The following ABCC2 variants were observed in gnomAD, a reference collection of about 807,000 sequenced individuals.
ABCC2 encodes the protein ATP binding cassette subfamily C member 2.
Under a neutral mutation model 173.4 loss-of-function variants are expected in ABCC2, and 157 were observed. The observed-to-expected ratio is 0.91, with a 90% CI of 0.80 to 1.03. The LOEUF (loss-of-function observed/expected upper bound fraction) is 1.03, where lower values mean the gene tolerates loss of function less well. Ranked by LOEUF, ABCC2 falls within the 50% of genes least tolerant of loss-of-function variation. The probability of loss-of-function intolerance (pLI) is 0.00; values close to 1 mark genes in which losing one functional copy is unlikely to be tolerated. For missense variants in ABCC2, 1,822 were observed against 1,852.3 expected, an observed-to-expected ratio of 0.98 and a Z score of 0.30; for synonymous variants, 657 against 693.5, an observed-to-expected ratio of 0.95 and a Z score of 0.83.
Position 99,850,746 on chromosome 10 carries a change from C to A in ABCC2, c.4458C>A (p.Cys1486Ter). ...QTTIQNEFAH[C>*]TVITIAHRLH... ...CCATCCAAAACGAGTTCGCCCACTG[C>A]ACAGTGATCACCATCGCCCACAGGC... Residue 1486 changes from cysteine to a stop codon, truncating the protein, a stop_gained, in exon 31 of 32, where the codon TGC (cysteine) becomes TGA (stop). Transcript: ENST00000647814. LOFTEE classifies it high-confidence loss of function. The A allele has an allele frequency of 6.2e-7, 1 of 1,614,180 alleles. No individual in the cohort carries two copies. The highest frequency in any genetic ancestry group is 2.2e-5 in the East Asian group (1 of 44,884).
chr10:99,842,540 G>A (rs1356037581), intron 26 of ABCC2, among the ~76,000 whole-genome samples: 1 of 152,144 alleles, frequency 6.6e-6, no homozygotes, highest in Non-Finnish European at 1.5e-5. Context: ...ACTATAGAAT[G>A]TGTCTCACTG....
chr10:99,839,058 C>T (rs1311476569), intron 25 of ABCC2, among the ~76,000 whole-genome samples: 2 of 137,492 alleles, frequency 1.5e-5, no homozygotes, highest in African/African-American at 2.8e-5. Flanking sequence ...CCTCACCTCC[C>T]GGACGGGGCG....
intron 21 of ABCC2, 79 bp downstream of exon 21, chr10:99,830,930 G>A: frequency 2.0e-6 from 3 of 1,524,616 alleles, no homozygotes; most frequent in Non-Finnish European, 2.7e-6. Context: ...AGTGAAAATT[G>A]AACGCATACT....
intron 6 of ABCC2, among the ~76,000 whole-genome samples, chr10:99,795,640 T>A (rs2037887873): frequency 6.6e-6 from 1 of 150,984 alleles, no homozygotes; most frequent in Non-Finnish European, 1.5e-5. Context: ...CAGAGGTTGC[T>A]GTGAGCCAAG....
At position 99,792,320 on chromosome 10, in the gene ABCC2, T is replaced by C. The variant is rs776510038; in HGVS notation, c.294T>C (p.Ala98=). The part of the protein sequence containing the change: ...TEDSGQATVP[A]VRYTNPSLYL... ...ACTCTGGACAAGCCACAGTCCCTGC[T>C]GTTCGATATACCAATCCAAGCCTCT... is the stretch of plus-strand genomic sequence containing the variant. The change falls in exon 3 of 32, where the codon GCT becomes GCC. Residue 98 remains alanine, a synonymous_variant. Coordinates refer to ENST00000647814, the MANE Select transcript of ABCC2 (RefSeq NM_000392.5). The C allele has an allele frequency of 7.4e-6, 12 of 1,614,182 alleles. No homozygotes were observed. Among genetic ancestry groups the C allele is most frequent in the Non-Finnish European group, 1.0e-5 (12 of 1,179,992 alleles).
In ABCC2 at chr10:99,844,905, A is replaced by G. The variant is rs533289600; in HGVS notation, c.3987+440A>G. 1.8e-4 allele frequency among the ~76,000 whole-genome samples: 28 copies of G among 152,272 alleles called. No individual in the cohort carries two copies. The South Asian group carries it at 5.2e-3, about 28-fold the overall frequency. The stretch of plus-strand genomic sequence containing the variant: ...CCTTAGGTGCTGTTGTTCTCCGAGG[A>G]CTTGGGGTCTGATGAGCAAGGACGC... On this transcript the variant is annotated intron_variant, in intron 28 of 31. Transcript: ENST00000647814.
At chr10:99,825,787 CAG>C (rs1281261206) in intron 19 of ABCC2, among the ~76,000 whole-genome samples, 2 of 152,202 alleles carry the variant, frequency 1.3e-5, no homozygotes, top group Non-Finnish European at 2.9e-5. Context: ...CCCCTGGAAG[CAG>C]AGAGACTGCT....
intron 10 of ABCC2, 52 bp downstream of exon 10, chr10:99,804,325 C>A: frequency 6.2e-7 from 1 of 1,608,878 alleles, no homozygotes; most frequent in Non-Finnish European, 8.5e-7. Context: ...AGTGTAAACC[C>A]TTTTTCTTAC....
chr10:99,797,284 C>T lies in ABCC2; in HGVS notation c.820C>T (p.Pro274Ser), dbSNP rs1351549341. The T allele has an allele frequency of 6.2e-7, 1 of 1,613,760 alleles. No homozygotes were observed. Among genetic ancestry groups the T allele is most frequent in the African/African-American group, 1.3e-5 (1 of 74,924 alleles). Residue 274 changes from proline to serine, a missense_variant, in exon 7 of 32, where the codon CCT becomes TCT. Pro to Ser is a moderately conservative substitution (Grantham distance 74, BLOSUM62 -1). Transcript: ENST00000647814. ...SSQQNSGARL[P>S]GLNKNQSQSQ... ...CCAGCAGAACTCTGGAGCCAGGCTG[C>T]CTGGCTTGAACAAGAATCAGAGTCA...
At position 99,819,281 on chromosome 10, in the gene ABCC2, G is replaced by T; in HGVS notation, c.2620+12G>T. The T allele has an allele frequency of 1.2e-6, 2 of 1,611,950 alleles. No homozygotes were observed. The highest frequency in any genetic ancestry group is 1.7e-6 in the Non-Finnish European group (2 of 1,179,424). On this transcript the variant is annotated intron_variant, in intron 19 of 31. Coordinates refer to ENST00000647814, the MANE Select transcript of ABCC2 (RefSeq NM_000392.5). ...AGAGGAAGCCACAGGTATGTAAGAA[G>T]GATTGGGACAAGATAGAACTTGGGC...
intron 11 of ABCC2, among the ~76,000 whole-genome samples, chr10:99,806,881 T>G (rs930415888): frequency 6.6e-6 from 1 of 152,260 alleles, no homozygotes; most frequent in African/African-American, 2.4e-5. Context: ...TTGTTAATTC[T>G]CCACACAGAG....
At chr10:99,833,409 G>A (rs1350659007) in intron 23 of ABCC2, among the ~76,000 whole-genome samples, 7 of 152,190 alleles carry the variant, frequency 4.6e-5, no homozygotes, top group Non-Finnish European at 8.8e-5. Context: ...GCTTTTGCAT[G>A]AGAAAGGAAA....
intron 25 of ABCC2, among the ~76,000 whole-genome samples, chr10:99,836,810 G>A (rs566456649): frequency 5.9e-5 from 9 of 152,318 alleles, no homozygotes; most frequent in African/African-American, 2.2e-4. Context: ...CTTCCGTCTT[G>A]TGAACAGGGT....
At chr10:99,819,391 T>C in intron 19 of ABCC2, 122 bp downstream of exon 19, 1 of 970,102 alleles carries the variant, frequency 1.0e-6, no homozygotes, top group South Asian at 1.4e-5. Flanking sequence ...TACCCAGAGA[T>C]TCAAACTCTG....
At chr10:99,795,715 A>C (rs1156775286) in intron 6 of ABCC2, among the ~76,000 whole-genome samples, 1 of 147,754 alleles carries the variant, frequency 6.8e-6, no homozygotes, top group Non-Finnish European at 1.5e-5. Flanking sequence ...AGAGAGAGAG[A>C]GAGAGAAGAA....
chr10:99,808,368 ATGGTTTG>A, intron 13 of ABCC2, 139 bp downstream of exon 13: 9 of 1,181,570 alleles, frequency 7.6e-6, no homozygotes, highest in South Asian at 1.2e-5. Flanking sequence ...CTGGAGACCA[ATGGTTTG>A]ACCTTAATAA....
chr10:99,795,169 CTA>C (rs1268602885), intron 6 of ABCC2, among the ~76,000 whole-genome samples: 1 of 152,026 alleles, frequency 6.6e-6, no homozygotes, highest in Admixed American at 6.6e-5. Context: ...CTGGTGAAGT[CTA>C]TGAATCCCTT....
chr10:99,815,845 A>G (rs1229988683), intron 16 of ABCC2, among the ~76,000 whole-genome samples: 2 of 152,200 alleles, frequency 1.3e-5, no homozygotes, highest in Non-Finnish European at 2.9e-5. Context: ...AACATGCGCT[A>G]TAGCAGAGCA....
At chr10:99,802,523 A>G (rs1398731457) in intron 9 of ABCC2, among the ~76,000 whole-genome samples, 2 of 151,188 alleles carry the variant, frequency 1.3e-5, no homozygotes, top group Non-Finnish European at 2.9e-5. Flanking sequence ...CCCCTCTTCC[A>G]TACCAAAGGG....
Sources: gnomAD v4.1 joint callset for allele counts (sites outside exome capture counted in the v4.1 genomes callset) on GRCh38, gnomAD v4.1.1 for gene constraint, MANE v1.5 for transcripts, NCBI Gene and HGNC (gene_info 2026-07-23, HGNC 2026-07-21) for gene names.